AKAP6: variants seen among roughly 807,000 people sequenced by gnomAD.
AKAP6 encodes the protein A-kinase anchoring protein 6, also known as A-kinase anchor protein 6.
A neutral mutation model predicts 188.5 loss-of-function variants in AKAP6; 58 were observed. That is an observed-to-expected ratio of 0.31 (90% CI 0.25 to 0.38). The LOEUF is 0.38. Ranked by LOEUF, AKAP6 falls within the 10% of genes least tolerant of loss-of-function variation. AKAP6 has a pLI of 1.00. For missense variants in AKAP6, 2,710 were observed against 2,740.0 expected, an observed-to-expected ratio of 0.99 and a Z score of 0.24; for synonymous variants, 989 against 998.6, an observed-to-expected ratio of 0.99 and a Z score of 0.18.
At chr14:32,535,497 C>T (rs879244170) in intron 2 of AKAP6, 57 bp from the exon 3 acceptor site, 2 of 1,561,852 alleles carry the variant, frequency 1.3e-6, no homozygotes, top group East Asian at 2.3e-5. Context: ...ACTACCCTCA[C>T]CTCCCTCCAG....
chr14:32,768,538 C>T (rs1025913710), intron 11 of AKAP6, among the ~76,000 whole-genome samples: 6 of 152,128 alleles, frequency 3.9e-5, no homozygotes, highest in African/African-American at 1.2e-4. Context: ...AAGATCTATT[C>T]ATTGATTCAC....
At chr14:32,511,641 T>A (rs1881268656) in intron 2 of AKAP6, among the ~76,000 whole-genome samples, 1 of 152,198 alleles carries the variant, frequency 6.6e-6, no homozygotes, top group East Asian at 1.9e-4. Flanking sequence ...CCTCCCAAAG[T>A]GCTAGGATTA....
At chr14:32,579,721 G>C (rs73255099) in intron 5 of AKAP6, among the ~76,000 whole-genome samples, 13,365 of 151,994 alleles carry the variant, frequency 0.088, 926 homozygotes, top group African/African-American at 0.19. Context: ...GATCAATATT[G>C]TCATTTTTAT....
rs757242670 is a variant in AKAP6, at chr14:32,577,231, G to A, written c.2458G>A (p.Glu820Lys). Residue 820 changes from glutamate (E) to lysine (K), a missense_variant, in exon 5 of 14, where the codon GAG (glutamate) becomes AAG (lysine). Physicochemically the swap from Glu to Lys is moderately conservative, Grantham distance 56. Transcript: ENST00000280979. ...GATGGATGACCTTAAACTGTATCTG[G>A]AGACACACTTGGTAGGCAAGATTGT... Reference protein sequence around the residue: ...AEMDDLKLYLETHLSFKLNVD... With the variant: ...AEMDDLKLYLKTHLSFKLNVD... 1.2e-5 allele frequency: 19 copies of A among 1,609,788 alleles called. No homozygotes were observed. Among genetic ancestry groups the A allele is most frequent in the Non-Finnish European group, 1.5e-5 (18 of 1,178,574 alleles).
chr14:32,758,250 T>C (rs1430147237), intron 11 of AKAP6, among the ~76,000 whole-genome samples: 1 of 152,168 alleles, frequency 6.6e-6, no homozygotes, highest in African/African-American at 2.4e-5. Flanking sequence ...ATAAATTAAA[T>C]GACTCACCCA....
chr14:32,612,856 CTT>C (rs1439438273), intron 7 of AKAP6, among the ~76,000 whole-genome samples: 1 of 152,118 alleles, frequency 6.6e-6, no homozygotes, highest in Non-Finnish European at 1.5e-5. Flanking sequence ...AATTTGTAGT[CTT>C]TGCTCCAAAG....
intron 8 of AKAP6, among the ~76,000 whole-genome samples, chr14:32,691,341 C>T (rs1295430328): frequency 1.3e-5 from 2 of 152,178 alleles, no homozygotes; most frequent in African/African-American, 4.8e-5. Context: ...TGTTCATGAT[C>T]TTCTCTGTTT....
intron 12 of AKAP6, among the ~76,000 whole-genome samples, chr14:32,802,655 A>C (rs1375053363): frequency 6.6e-6 from 1 of 152,244 alleles, no homozygotes; most frequent in Non-Finnish European, 1.5e-5. Context: ...ATTTACCCTC[A>C]GAAAATAACC....
chr14:32,647,468 T>C (rs577715880), intron 7 of AKAP6, among the ~76,000 whole-genome samples: 12 of 152,160 alleles, frequency 7.9e-5, no homozygotes, highest in African/African-American at 2.4e-4. Context: ...CTTTTTGCAG[T>C]CTTCTTTTTG....
At chr14:32,593,826 C>T (rs1250139755) in intron 5 of AKAP6, among the ~76,000 whole-genome samples, 3 of 152,124 alleles carry the variant, frequency 2.0e-5, no homozygotes, top group Non-Finnish European at 4.4e-5. Context: ...TGGGCTTGCT[C>T]TTCCCCATGT....
chr14:32,518,481 A>T (rs147652357), intron 2 of AKAP6, among the ~76,000 whole-genome samples: 8 of 152,336 alleles, frequency 5.3e-5, no homozygotes, highest in Admixed American at 3.9e-4. Context: ...TAGAATAAAC[A>T]GCATAGAAAA....
intron 9 of AKAP6, among the ~76,000 whole-genome samples, chr14:32,711,915 C>G (rs2029891280): frequency 6.6e-6 from 1 of 151,880 alleles, no homozygotes. Flanking sequence ...CTCAGTGTCT[C>G]TCAGGTCCAT....
intron 11 of AKAP6, among the ~76,000 whole-genome samples, chr14:32,745,661 C>T (rs2031877004): frequency 6.6e-6 from 1 of 152,134 alleles, no homozygotes. Context: ...CTGCTGCAAA[C>T]ACTCCCTGGC....
At chr14:32,570,124 CTTTTTTT>C (rs60851991) in intron 4 of AKAP6, among the ~76,000 whole-genome samples, 2 of 74,810 alleles carry the variant, frequency 2.7e-5, no homozygotes, top group Admixed American at 4.3e-4. Context: ...TGTGTGGGAA[CTTTTTTT>C]TTTTTTTTTT....
At chr14:32,439,970 T>C (rs1310486402) in intron 2 of AKAP6, among the ~76,000 whole-genome samples, 2 of 152,200 alleles carry the variant, frequency 1.3e-5, no homozygotes, top group Non-Finnish European at 2.9e-5. Context: ...TTTTGCCCTT[T>C]AGATCACTAT....
intron 2 of AKAP6, among the ~76,000 whole-genome samples, chr14:32,502,912 T>C (rs1880674410): frequency 6.6e-6 from 1 of 152,128 alleles, no homozygotes; most frequent in African/African-American, 2.4e-5. Context: ...ACATAAGTCA[T>C]TTCACAAAAA....
chr14:32,539,456 A>T lies in AKAP6; in HGVS notation c.576+3651A>T, dbSNP rs148069338. 2.0e-4 allele frequency among the ~76,000 whole-genome samples: 31 copies of T among 152,260 alleles called. No homozygotes were observed. The East Asian group carries it at 3.1e-3, about 15-fold the overall frequency. On this transcript the variant is annotated intron_variant, in intron 3 of 13. Transcript: ENST00000280979. Reference sequence around the variant, plus strand: ...CTATATTTTGAACTACATGAGGGTTAGTTCCAGATTATATTCATCTGTGTA... The same window carrying T: ...CTATATTTTGAACTACATGAGGGTTTGTTCCAGATTATATTCATCTGTGTA...
Position 32,822,549 on chromosome 14 carries a change from G to A in AKAP6, c.4736G>A (p.Gly1579Glu), listed in dbSNP as rs754499404. The A allele has an allele frequency of 6.2e-7, 1 of 1,613,992 alleles. No homozygotes were observed. Among genetic ancestry groups the A allele is most frequent in the East Asian group, 2.2e-5 (1 of 44,872 alleles). The change falls in exon 13 of 14, where the codon GGA (glycine) becomes GAA (glutamate). Residue 1579 changes from glycine (G) to glutamate (E), a missense_variant. Coordinates refer to ENST00000280979, the MANE Select transcript of AKAP6 (RefSeq NM_004274.5). ...ESLSPGGDLF[G>E]LGIFKNGSDS... Reference sequence around the variant, plus strand: ...CTTTCTCCAGGGGGTGATTTATTTGGATTGGGCATCTTTAAAAATGGCAGT... The same window carrying A: ...CTTTCTCCAGGGGGTGATTTATTTGAATTGGGCATCTTTAAAAATGGCAGT...
intron 2 of AKAP6, among the ~76,000 whole-genome samples, chr14:32,505,423 A>G (rs939970112): frequency 1.3e-5 from 2 of 151,672 alleles, no homozygotes; most frequent in African/African-American, 4.8e-5. Context: ...AGAGGATGAC[A>G]AAAAAAACTT....
Sources: allele counts gnomAD v4.1 joint callset (sites outside exome capture counted in the v4.1 genomes callset), GRCh38; gene constraint gnomAD v4.1.1; transcripts MANE v1.5; gene names NCBI Gene and HGNC (gene_info 2026-07-23, HGNC 2026-07-21).